The following HDX variants were observed in gnomAD, a reference collection of about 807,000 sequenced individuals.
HDX encodes the protein chromosome X open reading frame 43.
Under a neutral mutation model 45.2 loss-of-function variants are expected in HDX, and 19 were observed. That is an observed-to-expected ratio of 0.42 (90% CI 0.29 to 0.62). The LOEUF is 0.62. Ranked by LOEUF, HDX falls within the 20% of genes least tolerant of loss-of-function variation. The pLI is 0.20. For synonymous variants in HDX, 188 were observed against 172.8 expected (o/e 1.09, Z -0.69); for missense variants, 532 against 493.9 (o/e 1.08, Z -0.73).
At chrX:84,413,976 T>C (rs1463389246) in intron 5 of HDX, among the ~76,000 whole-genome samples, 1 of 111,803 alleles carries the variant, frequency 8.9e-6, no homozygotes, top group African/African-American at 3.2e-5. Flanking sequence ...GCTTAGGGTA[T>C]AGATAGAACT....
chrX:84,334,815 T>A (rs757217003), intron 8 of HDX, among the ~76,000 whole-genome samples: 5 of 110,900 alleles, frequency 4.5e-5, no homozygotes, highest in Non-Finnish European at 5.7e-5. Flanking sequence ...TAAGCTATAT[T>A]CAGTCACTAG....
intron 6 of HDX, among the ~76,000 whole-genome samples, chrX:84,358,525 T>C (rs1476080056): frequency 9.0e-6 from 1 of 111,332 alleles, no homozygotes; most frequent in Non-Finnish European, 1.9e-5. Context: ...AAAATAGAAA[T>C]AATGTCTAAT....
chrX:84,359,727 CAA>C (rs1356939472), intron 6 of HDX, among the ~76,000 whole-genome samples: 1 of 111,324 alleles, frequency 9.0e-6, no homozygotes, highest in Non-Finnish European at 1.9e-5. Context: ...ATTGCTGGGT[CAA>C]ACGGTATTTC....
chrX:84,371,201 G>C (rs1259901096), intron 5 of HDX, among the ~76,000 whole-genome samples: 1 of 111,862 alleles, frequency 8.9e-6, no homozygotes, highest in Non-Finnish European at 1.9e-5. Context: ...TCTCAGTTCT[G>C]TCTCTTCCTA....
chrX:84,500,804 T>C (rs1321370358), intron 1 of HDX, among the ~76,000 whole-genome samples: 2 of 111,808 alleles, frequency 1.8e-5, no homozygotes, highest in East Asian at 2.8e-4. Flanking sequence ...TGCATTACAA[T>C]GAGGCCAGAT....
At chrX:84,337,032 A>G (rs2036980481) in intron 7 of HDX, 152 bp from the exon 8 acceptor site, 3 of 427,912 alleles carry the variant, frequency 7.0e-6, no homozygotes, top group East Asian at 3.9e-5. Context: ...ACTTCAAACA[A>G]TGCATTCAAA....
chrX:84,367,020 G>A (rs936381884), intron 5 of HDX, among the ~76,000 whole-genome samples: 21 of 111,991 alleles, frequency 1.9e-4, no homozygotes, highest in Middle Eastern at 4.6e-3. Context: ...AAACTAAAGA[G>A]CTTCTGCACA....
intron 5 of HDX, among the ~76,000 whole-genome samples, chrX:84,414,659 T>C (rs1327886497): frequency 4.5e-5 from 5 of 111,808 alleles, no homozygotes; most frequent in African/African-American, 1.6e-4. Context: ...CTGATGATAA[T>C]ACAATGTATA....
At chrX:84,436,634 C>A (rs936011302) in intron 5 of HDX, among the ~76,000 whole-genome samples, 5 of 111,475 alleles carry the variant, frequency 4.5e-5, no homozygotes, top group African/African-American at 1.6e-4. Flanking sequence ...TGTATAGCTT[C>A]AAATGTTTCT....
intron 5 of HDX, among the ~76,000 whole-genome samples, chrX:84,410,614 G>A (rs1317677180): frequency 1.8e-5 from 2 of 111,470 alleles, no homozygotes; most frequent in African/African-American, 3.3e-5. Flanking sequence ...AAGGATATTG[G>A]CTTGATGTTT....
At chrX:84,468,197 A>C in intron 4 of HDX, among the ~76,000 whole-genome samples, 1 of 111,797 alleles carries the variant, frequency 8.9e-6, no homozygotes, top group Non-Finnish European at 1.9e-5. Context: ...ATTCCATGCT[A>C]CCCATTAAGC....
At chrX:84,397,270 G>A (rs990313342) in intron 5 of HDX, among the ~76,000 whole-genome samples, 1 of 111,752 alleles carries the variant, frequency 8.9e-6, no homozygotes, top group African/African-American at 3.3e-5. Flanking sequence ...GAAGCTCCAG[G>A]GATGTGGAGA....
At chrX:84,390,542 G>T (rs1234027522) in intron 5 of HDX, among the ~76,000 whole-genome samples, 1 of 111,729 alleles carries the variant, frequency 9.0e-6, no homozygotes, top group East Asian at 2.8e-4. Flanking sequence ...TTAAGAGCAC[G>T]ATTATAACAC....
At chrX:84,356,523 T>A (rs2037487471) in intron 6 of HDX, among the ~76,000 whole-genome samples, 1 of 110,483 alleles carries the variant, frequency 9.1e-6, no homozygotes, top group Non-Finnish European at 1.9e-5. Flanking sequence ...AAGGGGGAAC[T>A]GATGTTAATA....
chrX:84,325,069 C>G (rs920901531), intron 10 of HDX, among the ~76,000 whole-genome samples: 20 of 110,862 alleles, frequency 1.8e-4, no homozygotes, highest in Non-Finnish European at 9.4e-5. Context: ...GTGTGTGTGA[C>G]AGGGTGTATG....
chrX:84,451,297 A>G (rs1402367293), intron 4 of HDX, among the ~76,000 whole-genome samples: 2 of 111,310 alleles, frequency 1.8e-5, no homozygotes, highest in Non-Finnish European at 3.8e-5. Flanking sequence ...CCAAGAGAAA[A>G]AAAGAAGACA....
At chrX:84,491,402 A>G (rs900238684) in intron 1 of HDX, among the ~76,000 whole-genome samples, 2 of 111,789 alleles carry the variant, frequency 1.8e-5, no homozygotes, top group South Asian at 3.7e-4. Flanking sequence ...AAAAAAATCT[A>G]TTTTGTTCTA....
At chrX:84,362,674 A>C (rs1055573855) in intron 5 of HDX, among the ~76,000 whole-genome samples, 6 of 110,996 alleles carry the variant, frequency 5.4e-5, no homozygotes, top group African/African-American at 1.6e-4. Flanking sequence ...TCTTCTGCCT[A>C]AGATGATATG....
intron 5 of HDX, among the ~76,000 whole-genome samples, chrX:84,428,201 T>G (rs1366100548): frequency 9.1e-6 from 1 of 110,486 alleles, no homozygotes; most frequent in Non-Finnish European, 1.9e-5. Flanking sequence ...ATAGATCTTC[T>G]ATGTTCTCTC....
Sources: allele counts gnomAD v4.1 joint callset (sites outside exome capture counted in the v4.1 genomes callset), GRCh38; gene constraint gnomAD v4.1.1; transcripts MANE v1.5; gene names NCBI Gene and HGNC (gene_info 2026-07-23, HGNC 2026-07-21).